The following DIP2C variants were observed in gnomAD, a reference collection of about 807,000 sequenced individuals.
DIP2C encodes DIP2 acetate--CoA ligase C (putative), also known as disco-interacting protein 2 homolog C.
Under a neutral mutation model 192.4 loss-of-function variants are expected in DIP2C, and 33 were observed. The observed-to-expected ratio is 0.17, with a 90% CI of 0.13 to 0.23. The LOEUF is 0.23. Among genes scored for constraint, DIP2C ranks in the 10% least tolerant of loss-of-function variants. The pLI is 1.00. For synonymous variants in DIP2C, 979 were observed against 864.1 expected, an observed-to-expected ratio of 1.13 and a Z score of -2.33; for missense variants, 1,537 against 2,110.1, an observed-to-expected ratio of 0.73 and a Z score of 5.32.
chr10:377,206 G>A (rs1402988761), intron 17 of DIP2C, among the ~76,000 whole-genome samples: 1 of 148,398 alleles, frequency 6.7e-6, no homozygotes, highest in Non-Finnish European at 1.5e-5. Flanking sequence ...TACCAAAAAC[G>A]GGATCACACT....
At chr10:372,110 CTG>C (rs1961035614) in intron 17 of DIP2C, among the ~76,000 whole-genome samples, 1 of 146,860 alleles carries the variant, frequency 6.8e-6, no homozygotes, top group Admixed American at 6.9e-5. Flanking sequence ...CAGTTTCACT[CTG>C]TCACCCAGGC....
At chr10:570,351 G>A (rs1170208762) in intron 1 of DIP2C, among the ~76,000 whole-genome samples, 1 of 152,160 alleles carries the variant, frequency 6.6e-6, no homozygotes, top group Non-Finnish European at 1.5e-5. Flanking sequence ...TGACACAGGA[G>A]CAAGCCCCAC....
intron 4 of DIP2C, among the ~76,000 whole-genome samples, chr10:425,814 C>G (rs1398335463): frequency 6.6e-6 from 1 of 152,226 alleles, no homozygotes; most frequent in Non-Finnish European, 1.5e-5. Flanking sequence ...TAGAAAAGTA[C>G]TGACAAACTC....
intron 1 of DIP2C, among the ~76,000 whole-genome samples, chr10:586,137 A>G (rs1233059426): frequency 6.6e-6 from 1 of 152,176 alleles, no homozygotes; most frequent in Non-Finnish European, 1.5e-5. Context: ...CCACGTCTTC[A>G]TTCCACGTTT....
In DIP2C at chr10:348,659, G is replaced by A. The variant is rs142225052; in HGVS notation, c.3213C>T (p.Thr1071=). ...ATGTTACCTCCACAATCATCTTGAC[G>A]GTAGGCAACGTCGTCGCGATGTTCT... ...HPQNIATTLP[T]VKMIVEVSRS... The change falls in exon 26 of 37, where the codon ACC becomes ACT. Residue 1071 remains threonine, a synonymous_variant. Transcript: ENST00000280886. 2.4e-5 allele frequency: 39 copies of A among 1,613,574 alleles called. No individual in the cohort carries two copies. The highest frequency in any genetic ancestry group is 1.9e-4 in the South Asian group (17 of 90,994).
rs1231352330 is a variant in DIP2C at position 525,199 on chromosome 10, ACATTTT to A, written c.86-38675_86-38670del. On this transcript the variant is annotated intron_variant, in intron 1 of 36. Coordinates refer to ENST00000280886, the MANE Select transcript of DIP2C (RefSeq NM_014974.3). The stretch of plus-strand genomic sequence containing the variant: ...TTGTTTAAATGTACTTAATTTTATC[ACATTTT>A]CATTTTATAATTTCAAAATTTCTAA... 5.9e-5 allele frequency among the ~76,000 whole-genome samples: 9 copies of A among 152,208 alleles called. No individual in the cohort carries two copies. In the East Asian group the frequency reaches 1.3e-3, roughly 23 times the overall value.
At position 659,854 on chromosome 10, in the gene DIP2C, C is replaced by T. The variant is rs551805513; in HGVS notation, c.85+29640G>A. 3.3e-5 allele frequency among the ~76,000 whole-genome samples: 5 copies of T among 152,346 alleles called. No individual in the cohort carries two copies. The East Asian group carries it at 9.6e-4, about 29-fold the overall frequency. On this transcript the variant is annotated intron_variant, in intron 1 of 36. Transcript: ENST00000280886. The stretch of plus-strand genomic sequence containing the variant: ...TCTGACTAAAATCATGAGATAATTC[C>T]TTCCCTTCCTGCTTTCTCTTTCCCA...
chr10:577,354 C>T (rs1028123339), intron 1 of DIP2C, among the ~76,000 whole-genome samples: 4 of 152,186 alleles, frequency 2.6e-5, no homozygotes, highest in African/African-American at 9.7e-5. Flanking sequence ...GAAATAAAGG[C>T]AAAAATAAGC....
chr10:448,877 T>C (rs1182279558), intron 3 of DIP2C, among the ~76,000 whole-genome samples: 1 of 84,564 alleles, frequency 1.2e-5, no homozygotes, highest in Non-Finnish European at 2.1e-5. Flanking sequence ...CTCCCGTCGA[T>C]ACTCAGGATC....
At chr10:404,119 C>A (rs112066674) in intron 9 of DIP2C, among the ~76,000 whole-genome samples, 4 of 152,108 alleles carry the variant, frequency 2.6e-5, no homozygotes, top group Admixed American at 1.3e-4. Context: ...TAGCATTACT[C>A]TTCCTTATGG....
rs1963617365 is a variant in DIP2C, at chr10:392,966, C to T, written c.1261-2103G>A. Among the ~76,000 whole-genome samples the T allele has an allele frequency of 1.3e-5, 2 of 152,204 alleles. 1 individual carries two copies. The highest frequency in any genetic ancestry group is 4.1e-4 in the South Asian group (2 of 4,830). ...TGGACCCTGCACACAGCACCTGAAG[C>T]AAAGGGCTGCGGGTCCTCAGTGGGC... On this transcript the variant is annotated intron_variant, in intron 10 of 36. Transcript: ENST00000280886.
intron 1 of DIP2C, among the ~76,000 whole-genome samples, chr10:503,140 C>T (rs1165671892): frequency 6.6e-6 from 1 of 152,108 alleles, no homozygotes; most frequent in Non-Finnish European, 1.5e-5. Flanking sequence ...GACCTGCGGA[C>T]TTACCACAAT....
At chr10:371,278 G>T (rs1960921630) in intron 17 of DIP2C, among the ~76,000 whole-genome samples, 1 of 152,106 alleles carries the variant, frequency 6.6e-6, no homozygotes, top group African/African-American at 2.4e-5. Context: ...TCTGCTGTGG[G>T]TTGAATCGTG....
chr10:404,682 T>G (rs1367004347), intron 9 of DIP2C, among the ~76,000 whole-genome samples: 1 of 152,232 alleles, frequency 6.6e-6, no homozygotes, highest in Non-Finnish European at 1.5e-5. Flanking sequence ...AAGGTCGGAA[T>G]GCAGGATCAC....
At chr10:422,767 GCA>G in intron 5 of DIP2C, 55 bp downstream of exon 5, 1 of 1,551,790 alleles carries the variant, frequency 6.4e-7, no homozygotes, top group Non-Finnish European at 8.7e-7. Context: ...CAGAGAATGT[GCA>G]CACACAAAGG....
At chr10:394,966 A>G (rs909038029) in intron 10 of DIP2C, among the ~76,000 whole-genome samples, 2 of 152,080 alleles carry the variant, frequency 1.3e-5, no homozygotes, top group Non-Finnish European at 2.9e-5. Flanking sequence ...GTCAGTGAGG[A>G]GGGAAGCCTG....
intron 1 of DIP2C, chr10:667,713 TACAAC>T (rs1254903682): frequency 2.0e-5 from 3 of 146,588 alleles, no homozygotes; most frequent in Admixed American, 6.7e-5. Context: ...ACGTAACACA[TACAAC>T]ACAACACACA....
At chr10:454,078 G>A (rs999486428) in intron 3 of DIP2C, among the ~76,000 whole-genome samples, 4 of 152,242 alleles carry the variant, frequency 2.6e-5, no homozygotes, top group Non-Finnish European at 4.4e-5. Flanking sequence ...GAGCTGAGAG[G>A]CAATAAATTG....
intron 1 of DIP2C, among the ~76,000 whole-genome samples, chr10:627,860 T>G (rs1588633553): frequency 6.6e-6 from 1 of 152,212 alleles, no homozygotes; most frequent in African/African-American, 2.4e-5. Context: ...TCATTCAGCC[T>G]CGAACAGACC....
Sources: allele counts gnomAD v4.1 joint callset (sites outside exome capture counted in the v4.1 genomes callset), GRCh38; gene constraint gnomAD v4.1.1; transcripts MANE v1.5; gene names NCBI Gene and HGNC (gene_info 2026-07-23, HGNC 2026-07-21).